The following KCNT1 variants were observed in gnomAD, a reference collection of about 807,000 sequenced individuals.
KCNT1 encodes the protein potassium sodium-activated channel subfamily T member 1.
KCNT1 carries 78 observed loss-of-function variants against 147.8 expected under a neutral mutation model. The ratio of observed to expected loss-of-function variants is 0.53; its 90% CI spans 0.44 to 0.64. The LOEUF is 0.64. KCNT1 is among the 30% of genes least tolerant of loss of function. The pLI, the probability that KCNT1 is intolerant of heterozygous loss-of-function variation, is 0.00. For synonymous variants in KCNT1, 867 were observed against 748.8 expected, an observed-to-expected ratio of 1.16 and a Z score of -2.58; for missense variants, 1,419 against 1,750.3, an observed-to-expected ratio of 0.81 and a Z score of 3.38.
At chr9:135,779,231 G>A in intron 23 of KCNT1, 128 bp from the exon 24 acceptor site, 1 of 556,804 alleles carries the variant, frequency 1.8e-6, no homozygotes, top group South Asian at 1.8e-5. Context: ...AGTGGGCCCT[G>A]CCCTGAGACC....
intron 11 of KCNT1, among the ~76,000 whole-genome samples, chr9:135,762,818 C>CA (rs775918847): frequency 1.3e-5 from 2 of 152,240 alleles, no homozygotes; most frequent in Non-Finnish European, 2.9e-5. Flanking sequence ...ATCACACCTG[C>CA]ACTGCTCTTC....
rs938081511 is a variant in KCNT1, at chr9:135,794,192, G to C, written c.*2031G>C. On this transcript the variant is annotated 3_prime_UTR_variant, in exon 31 of 31. Transcript: ENST00000371757. The stretch of plus-strand genomic sequence containing the variant: ...GAGCTGGCCTGCAGGAGGCACCATG[G>C]GGGAGTCGCATGACTTATTCGGGAT... 1 of 152,340 alleles carries C rather than the reference G, an allele frequency of 6.6e-6. No individual in the cohort carries two copies. Among genetic ancestry groups the C allele is most frequent in the Non-Finnish European group, 1.5e-5 (1 of 68,132 alleles). The allele number at this position is 152,340 out of a possible 1,614,324, so 9.4% of individuals were successfully genotyped here. A position where few individuals can be genotyped will look rare whatever the true frequency, so the allele number is the denominator to read the frequency against.
chr9:135,749,769 CG>C (rs139444737), intron 2 of KCNT1, among the ~76,000 whole-genome samples: 3,113 of 152,330 alleles, frequency 0.02, 58 homozygotes, highest in East Asian at 0.061. Context: ...CCTGCACCCA[CG>C]GAGGCTTGGG....
chr9:135,767,352 C>T (rs1018273031), intron 13 of KCNT1, among the ~76,000 whole-genome samples: 10 of 152,200 alleles, frequency 6.6e-5, no homozygotes, highest in African/African-American at 1.2e-4. Flanking sequence ...GGGGCCCCTG[C>T]GGAGCAGACA....
rs1831252727 is a variant in KCNT1 at position 135,752,710 on chromosome 9, G to A, written c.435-1227G>A. 6.6e-6 allele frequency among the ~76,000 whole-genome samples: 1 copy of A among 151,826 alleles called. No individual in the cohort carries two copies. Among genetic ancestry groups the A allele is most frequent in the African/African-American group, 2.4e-5 (1 of 41,376 alleles). On this transcript the variant is annotated intron_variant, in intron 4 of 30. Coordinates refer to ENST00000371757, the MANE Select transcript of KCNT1 (RefSeq NM_020822.3). This position sits in a 1 kb window ranked among gnomAD's most constrained non-coding sequence, Gnocchi z 5.1. ...TGGATGGGTGGATAATGGATGGATA[G>A]GTGGATGCATGGTGGGTAGATGGAT...
In KCNT1 at chr9:135,702,361, G is replaced by GCC; in HGVS notation, c.107_108dup (p.Arg37ProfsTer19). 2 of 1,610,318 alleles carry GCC rather than the reference G, an allele frequency of 1.2e-6. No individual in the cohort carries two copies. Among genetic ancestry groups the GCC allele is most frequent in the Non-Finnish European group, 1.7e-6 (2 of 1,178,336 alleles). On this transcript the variant is annotated frameshift_variant, in exon 1 of 31. Transcript: ENST00000371757. LOFTEE classifies it high-confidence loss of function. ...CTTCGAGTTTGACGACGGCCAATGC[G>GCC]CCCCCAGGTACAGTCTGCTGCGCCC...
At chr9:135,776,982 G>A (rs1368789376) in intron 20 of KCNT1, among the ~76,000 whole-genome samples, 1 of 152,262 alleles carries the variant, frequency 6.6e-6, no homozygotes, top group African/African-American at 2.4e-5. Context: ...ACCTGGGCAC[G>A]TGGCGTGCTC....
rs764564481 is a variant in KCNT1, at chr9:135,770,491, T to G, written c.1769+44T>G. ...CACAGGGCTGGCGCTCCAGGGCTGCTCTGCTCTGTGCCCTCCCCACCCTCC... is the reference window on the plus strand; with the variant it reads ...CACAGGGCTGGCGCTCCAGGGCTGCGCTGCTCTGTGCCCTCCCCACCCTCC... On this transcript the variant is annotated intron_variant, in intron 17 of 30. Transcript: ENST00000371757. The G allele has an allele frequency of 2.5e-6, 4 of 1,575,424 alleles. 1 individual carries two copies. In the South Asian group the frequency reaches 4.8e-5, roughly 19 times the overall value.
At position 135,792,020 on chromosome 9, in the gene KCNT1, G is replaced by T. The variant is rs565667737; in HGVS notation, c.3588-21G>T. 41 of 1,603,344 alleles carry T rather than the reference G, an allele frequency of 2.6e-5. No individual in the cohort carries two copies. In the East Asian group the frequency reaches 8.9e-4, roughly 35 times the overall value. ...CTGCCCGGCCCACATCCACTCCAGGGTCCTCTGTGCCCTCCCGCAGCTATC... is the reference window on the plus strand; with the variant it reads ...CTGCCCGGCCCACATCCACTCCAGGTTCCTCTGTGCCCTCCCGCAGCTATC... On this transcript the variant is annotated intron_variant, in intron 30 of 30. Coordinates refer to ENST00000371757, the MANE Select transcript of KCNT1 (RefSeq NM_020822.3).
Position 135,757,393 on chromosome 9 carries a change from CG to C in KCNT1, c.759+18del, listed in dbSNP as rs758922969. On this transcript the variant is annotated intron_variant, in intron 9 of 30. Transcript: ENST00000371757. ...TGGAAAACATGATTGTAAGCCGGGGCGGGGGGTGCAGCTGGGACTTGGGGGG... is the reference window on the plus strand; with the variant it reads ...TGGAAAACATGATTGTAAGCCGGGGCGGGGGTGCAGCTGGGACTTGGGGGG... 6.2e-6 allele frequency: 10 copies of C among 1,603,278 alleles called. No individual in the cohort carries two copies. The highest frequency in any genetic ancestry group is 4.0e-5 in the African/African-American group (3 of 74,798).
chr9:135,732,026 A>AGAGAGAGAGGGAGAGAGG (rs1836498792), intron 2 of KCNT1, among the ~76,000 whole-genome samples: 1 of 131,742 alleles, frequency 7.6e-6, no homozygotes, highest in Non-Finnish European at 1.6e-5. Context: ...AGAGAGAGAG[A>AGAGAGAGAGGGAGAGAGG]GAGAGAGAGA....
intron 1 of KCNT1, among the ~76,000 whole-genome samples, chr9:135,713,239 C>A (rs1835578383): frequency 6.6e-6 from 1 of 152,270 alleles, no homozygotes; most frequent in South Asian, 2.1e-4. Context: ...CCTGCCTGCA[C>A]CTCCCCATGG....
chr9:135,704,522 G>C (rs912546024), intron 1 of KCNT1, among the ~76,000 whole-genome samples: 13 of 152,196 alleles, frequency 8.5e-5, no homozygotes, highest in African/African-American at 3.1e-4. Flanking sequence ...GCCCTCAGCT[G>C]CCTCCCCACA....
intron 2 of KCNT1, among the ~76,000 whole-genome samples, chr9:135,745,997 C>T (rs567815176): frequency 3.5e-4 from 53 of 152,392 alleles, no homozygotes; most frequent in African/African-American, 1.2e-3. Context: ...AGCCAGGCCT[C>T]TGCAGCCACA....
In KCNT1 at chr9:135,786,170, C is replaced by CGCCCTGCCCT. The variant is rs757968008; in HGVS notation, c.3178-12_3178-3dup. The CGCCCTGCCCT allele has an allele frequency of 3.5e-4, 540 of 1,548,272 alleles. 2 individuals are homozygous for CGCCCTGCCCT. Among genetic ancestry groups the CGCCCTGCCCT allele is most frequent in the East Asian group, 9.6e-4 (42 of 43,678 alleles). On this transcript the variant is annotated intron_variant, in intron 28 of 30. Transcript: ENST00000371757. ...CCCTCCCGGCAGCCTCACCCCTCCCCGCCCTGCCCTGCCCTGCCCTGCCCA... is the reference window on the plus strand; with the variant it reads ...CCCTCCCGGCAGCCTCACCCCTCCCCGCCCTGCCCTGCCCTGCCCTGCCCTGCCCTGCCCA...
intron 11 of KCNT1, among the ~76,000 whole-genome samples, 171 bp downstream of exon 11, chr9:135,760,030 A>G (rs905705612): frequency 1.3e-5 from 2 of 152,054 alleles, no homozygotes; most frequent in South Asian, 2.1e-4. Flanking sequence ...CTGAGGGTCT[A>G]CGGCGGGTCC....
chr9:135,724,787 G>C (rs1197214478), intron 2 of KCNT1, among the ~76,000 whole-genome samples: 1 of 152,234 alleles, frequency 6.6e-6, no homozygotes, highest in East Asian at 1.9e-4. Context: ...GCTGCCCCGA[G>C]AGGCCCAACA....
chr9:135,718,235 G>A (rs1835793992), intron 2 of KCNT1, among the ~76,000 whole-genome samples: 1 of 152,216 alleles, frequency 6.6e-6, no homozygotes, highest in Non-Finnish European at 1.5e-5. Flanking sequence ...CTGGCCTGGT[G>A]GGACCCCCTT....
At chr9:135,724,542 C>A (rs1836051940) in intron 2 of KCNT1, among the ~76,000 whole-genome samples, 1 of 152,264 alleles carries the variant, frequency 6.6e-6, no homozygotes, top group Admixed American at 6.5e-5. Context: ...AGTCATGCAA[C>A]AGAGGTCAAG....
Sources: gnomAD v4.1 joint callset for allele counts (sites outside exome capture counted in the v4.1 genomes callset) on GRCh38, gnomAD v4.1.1 for gene constraint, Gnocchi (gnomAD v3.1) non-coding constraint, MANE v1.5 for transcripts, NCBI Gene and HGNC (gene_info 2026-07-23, HGNC 2026-07-21) for gene names.